Variants in RNF220 observed in about 807,000 individuals in gnomAD.
The protein encoded by RNF220 is ring finger protein 220.
In RNF220, 7 loss-of-function variants were observed where a neutral mutation model predicts 67.1. That is an observed-to-expected ratio of 0.10 (90% CI 0.06 to 0.20). RNF220 has a LOEUF of 0.20. Among genes scored for constraint, RNF220 ranks in the 10% least tolerant of loss-of-function variants. The pLI is 1.00. For missense variants in RNF220, 565 were observed against 740.3 expected, an observed-to-expected ratio of 0.76 and a Z score of 2.75; for synonymous variants, 270 against 283.2, an observed-to-expected ratio of 0.95 and a Z score of 0.47.
chr1:44,633,433 C>G (rs1448053348), intron 6 of RNF220, among the ~76,000 whole-genome samples: 4 of 152,220 alleles, frequency 2.6e-5, no homozygotes, highest in Admixed American at 6.5e-5. Context: ...CCTACTCGTA[C>G]GTAGCCTCTG....
In RNF220 at chr1:44,651,044, G is replaced by C. The variant is rs1644775897; in HGVS notation, c.*269G>C. 1 of 494,078 alleles carries C rather than the reference G, an allele frequency of 2.0e-6. No individual in the cohort carries two copies. Among genetic ancestry groups the C allele is most frequent in the Non-Finnish European group, 3.7e-6 (1 of 266,964 alleles). The allele number at this position is 494,078 out of a possible 1,614,324, so 30.6% of individuals were successfully genotyped here. On this transcript the variant is annotated 3_prime_UTR_variant, in exon 15 of 15. Transcript: ENST00000361799. ...CTCTGTTCCCAGGGTGGGGCAGGGA[G>C]GTGGGGGTTGGGGGAGTAGTGGGGC...
Position 44,620,359 on chromosome 1 carries a change from C to A in RNF220, c.759-2383C>A, listed in dbSNP as rs530434662. On this transcript the variant is annotated intron_variant, in intron 3 of 14. Transcript: ENST00000361799. ...TCATTGTTCATTCCTTCCTTTTCTG[C>A]TGTCACCTGATCCAACTGGAGATAA... Among the ~76,000 whole-genome samples the A allele has an allele frequency of 1.3e-5, 2 of 152,232 alleles. 1 individual carries two copies. The highest frequency in any genetic ancestry group is 4.1e-4 in the South Asian group (2 of 4,828).
intron 2 of RNF220, among the ~76,000 whole-genome samples, chr1:44,520,986 C>G (rs1025165957): frequency 6.6e-5 from 10 of 152,320 alleles, no homozygotes; most frequent in African/African-American, 2.4e-4. Context: ...ACCTCAAACT[C>G]CTGGGCTCAA....
chr1:44,649,735 C>T lies in RNF220; in HGVS notation c.1520C>T (p.Ser507Phe). 2 of 1,614,064 alleles carry T rather than the reference C, an allele frequency of 1.2e-6. No homozygotes were observed. The highest frequency in any genetic ancestry group is 1.7e-6 in the Non-Finnish European group (2 of 1,179,982). ...ARVRELERQLSRGDRYKCLIC... is the reference protein window; with the variant it reads ...ARVRELERQLFRGDRYKCLIC... Reference sequence around the variant, plus strand: ...GTCAGAGAACTTGAACGGCAGCTATCTCGTGGGGACCGTTACAAATGCCTC... The same window carrying T: ...GTCAGAGAACTTGAACGGCAGCTATTTCGTGGGGACCGTTACAAATGCCTC... The change falls in exon 13 of 15, where the codon TCT becomes TTT. Residue 507 changes from serine to phenylalanine, a missense_variant. Coordinates refer to ENST00000361799, the MANE Select transcript of RNF220 (RefSeq NM_018150.4). This position sits in a 1 kb window ranked among gnomAD's most constrained non-coding sequence, Gnocchi z 5.9.
intron 2 of RNF220, among the ~76,000 whole-genome samples, chr1:44,574,624 A>G (rs1411891539): frequency 6.6e-6 from 1 of 152,174 alleles, no homozygotes; most frequent in Non-Finnish European, 1.5e-5. Context: ...GGAGTAAGAG[A>G]GAGCACCCAG....
At chr1:44,589,343 G>A (rs1366679138) in intron 2 of RNF220, among the ~76,000 whole-genome samples, 1 of 152,138 alleles carries the variant, frequency 6.6e-6, no homozygotes, top group Non-Finnish European at 1.5e-5. Context: ...GGCCGGGCGT[G>A]GTGGCTCACG....
At chr1:44,566,230 A>G (rs764859184) in intron 2 of RNF220, among the ~76,000 whole-genome samples, 1 of 152,130 alleles carries the variant, frequency 6.6e-6, no homozygotes, top group Non-Finnish European at 1.5e-5. Context: ...CCCTAACTGG[A>G]TTAGCATTGG....
At chr1:44,503,347 A>AG (rs1296340015) in intron 2 of RNF220, among the ~76,000 whole-genome samples, 2 of 151,444 alleles carry the variant, frequency 1.3e-5, no homozygotes, top group African/African-American at 4.8e-5. Flanking sequence ...AAAAAAAAAA[A>AG]AAAAAAAAGA....
intron 2 of RNF220, chr1:44,419,845 T>TA (rs1422734454): frequency 6.6e-6 from 1 of 152,250 alleles, no homozygotes; most frequent in African/African-American, 2.4e-5. Context: ...GTACTATTAA[T>TA]AAAAAATCGT....
chr1:44,613,934 C>T (rs1573047808), intron 2 of RNF220, among the ~76,000 whole-genome samples: 1 of 152,074 alleles, frequency 6.6e-6, no homozygotes, highest in East Asian at 1.9e-4. Context: ...GGGGATGTGT[C>T]CTAATAGATT....
chr1:44,457,913 A>C (rs1289650934), intron 2 of RNF220, among the ~76,000 whole-genome samples: 3 of 152,064 alleles, frequency 2.0e-5, no homozygotes, highest in African/African-American at 7.2e-5. Context: ...TTCCTGAACA[A>C]CCATATCCAT....
At chr1:44,611,997 G>A (rs1267001689) in intron 2 of RNF220, among the ~76,000 whole-genome samples, 5 of 152,246 alleles carry the variant, frequency 3.3e-5, no homozygotes, top group Non-Finnish European at 7.3e-5. Flanking sequence ...GGCAGGAGCA[G>A]AGCTGAGACT....
chr1:44,495,651 G>T (rs1334902851), intron 2 of RNF220, among the ~76,000 whole-genome samples: 2 of 152,194 alleles, frequency 1.3e-5, no homozygotes, highest in East Asian at 1.9e-4. Context: ...GACCAGGCTG[G>T]TCTCAAACTC....
At chr1:44,512,689 C>A (rs1366923347) in intron 2 of RNF220, among the ~76,000 whole-genome samples, 2 of 152,222 alleles carry the variant, frequency 1.3e-5, no homozygotes, top group Non-Finnish European at 2.9e-5. Context: ...ATCTGTTTAG[C>A]TTGGCTAAGT....
rs1320028157 is a variant in RNF220 at position 44,621,416 on chromosome 1, T to C, written c.759-1326T>C. ...ACAGTTGACATTTGGGGTCAGATAA[T>C]TCTTTGCTGTGAGGGGCTGTCTGGT... On this transcript the variant is annotated intron_variant, in intron 3 of 14. Transcript: ENST00000361799. This position sits in a 1 kb window ranked among gnomAD's most constrained non-coding sequence, Gnocchi z 4.8. Among the ~76,000 whole-genome samples, 1 of 152,204 alleles carries C rather than the reference T, an allele frequency of 6.6e-6. No individual in the cohort carries two copies. Among genetic ancestry groups the C allele is most frequent in the African/African-American group, 2.4e-5 (1 of 41,444 alleles).
intron 2 of RNF220, among the ~76,000 whole-genome samples, chr1:44,461,708 C>T (rs1210296549): frequency 6.6e-6 from 1 of 152,014 alleles, no homozygotes; most frequent in Non-Finnish European, 1.5e-5. Flanking sequence ...TGTCAGGGGA[C>T]ATGAATGTGT....
intron 2 of RNF220, among the ~76,000 whole-genome samples, chr1:44,485,912 T>C (rs951588649): frequency 2.6e-5 from 4 of 152,124 alleles, no homozygotes; most frequent in Non-Finnish European, 5.9e-5. Context: ...ATGTTCCCCT[T>C]ATTATACCTC....
chr1:44,647,045 G>A (rs3768440), intron 12 of RNF220, among the ~76,000 whole-genome samples: 20,068 of 152,212 alleles, frequency 0.13, 2,283 homozygotes, highest in East Asian at 0.56. Flanking sequence ...GCAGGTGTGT[G>A]CTGAGCACAT....
rs1054883298 is a variant in RNF220 at position 44,417,772 on chromosome 1, C to T, written c.625+5050C>T. ...TTCTGGGGGAGGGGGCGCGGAGAGG[C>T]GCGAGAACTGGCCCCGGGGAGGCCA... On this transcript the variant is annotated intron_variant, in intron 2 of 14. Coordinates refer to ENST00000361799, the MANE Select transcript of RNF220 (RefSeq NM_018150.4). The surrounding 1 kb of genome is among the most constrained non-coding windows in gnomAD (Gnocchi z 4.0). Among the ~76,000 whole-genome samples, 1 of 152,130 alleles carries T rather than the reference C, an allele frequency of 6.6e-6. No homozygotes were observed. Among genetic ancestry groups the T allele is most frequent in the African/African-American group, 2.4e-5 (1 of 41,434 alleles).
Sources: gnomAD v4.1 joint callset for allele counts (sites outside exome capture counted in the v4.1 genomes callset) on GRCh38, gnomAD v4.1.1 for gene constraint, Gnocchi (gnomAD v3.1) non-coding constraint, MANE v1.5 for transcripts, NCBI Gene and HGNC (gene_info 2026-07-23, HGNC 2026-07-21) for gene names.